NR1H3: variants seen among roughly 807,000 people sequenced by gnomAD.
NR1H3 encodes nuclear receptor subfamily 1 group H member 3, also known as oxysterols receptor LXR-alpha.
In NR1H3, 19 loss-of-function variants were observed where a neutral mutation model predicts 48.1. That is an observed-to-expected ratio of 0.40 (90% CI 0.28 to 0.58). The LOEUF (loss-of-function observed/expected upper bound fraction) is 0.58. Ranked by LOEUF, NR1H3 falls within the 20% of genes least tolerant of loss-of-function variation. NR1H3 has a pLI of 0.50. For missense variants in NR1H3, 486 were observed against 595.9 expected, an observed-to-expected ratio of 0.82 and a Z score of 1.92; for synonymous variants, 232 against 227.3, an observed-to-expected ratio of 1.02 and a Z score of -0.19.
upstream of NR1H3, among the ~76,000 whole-genome samples, chr11:47,255,518 A>G (rs956983858): frequency 2.6e-5 from 4 of 151,138 alleles, no homozygotes; most frequent in Non-Finnish European, 4.4e-5. Flanking sequence ...ACACGTTGTG[A>G]TAGACTCTCT....
intron 1 of NR1H3, among the ~76,000 whole-genome samples, chr11:47,250,025 G>A (rs557635068): frequency 1.4e-4 from 22 of 152,168 alleles, no homozygotes; most frequent in South Asian, 6.2e-4. Context: ...GCTTGAACTC[G>A]GAAAGCGGAG....
At chr11:47,266,751 C>T (rs143463269) in intron 7 of NR1H3, among the ~76,000 whole-genome samples, 1 of 151,714 alleles carries the variant, frequency 6.6e-6, no homozygotes, top group East Asian at 1.9e-4. Flanking sequence ...AAGCAATTCT[C>T]CTGCCTCAGC....
At chr11:47,257,471 G>A (rs925881513), upstream of NR1H3, 1 of 176,760 alleles carries the variant, frequency 5.7e-6, no homozygotes, top group Non-Finnish European at 1.1e-5. Context: ...CCCAGCACCT[G>A]CCTCTCTCCA....
upstream of NR1H3, among the ~76,000 whole-genome samples, chr11:47,253,699 T>C (rs891097529): frequency 6.6e-6 from 1 of 152,198 alleles, no homozygotes; most frequent in Non-Finnish European, 1.5e-5. Context: ...TGTTTCTGCT[T>C]CAAGTTTCTC....
intron 7 of NR1H3, among the ~76,000 whole-genome samples, chr11:47,265,581 T>C (rs1285196914): frequency 2.6e-5 from 4 of 152,082 alleles, no homozygotes; most frequent in Non-Finnish European, 5.9e-5. Context: ...AAGAAAAATG[T>C]ATTATTTATT....
chr11:47,259,054 A>T, intron 1 of NR1H3, 126 bp from the exon 2 acceptor site: 1 of 1,517,184 alleles, frequency 6.6e-7, no homozygotes, highest in Non-Finnish European at 8.9e-7. Flanking sequence ...GTACAGGCTA[A>T]TATATGGCAA....
intron 2 of NR1H3, 69 bp downstream of exon 2, chr11:47,259,328 C>G: frequency 2.5e-6 from 4 of 1,608,846 alleles, no homozygotes; most frequent in Non-Finnish European, 1.7e-6. Flanking sequence ...AGGAATCAGC[C>G]TCCTTCATTA....
chr11:47,248,770 C>G (rs753306589), upstream of NR1H3: 13 of 1,599,212 alleles, frequency 8.1e-6, no homozygotes, highest in Non-Finnish European at 1.1e-5. Flanking sequence ...CCGGCTCCAG[C>G]CGGACCGCTT....
upstream of NR1H3, among the ~76,000 whole-genome samples, chr11:47,254,790 C>T (rs900452263): frequency 6.6e-6 from 1 of 152,172 alleles, no homozygotes; most frequent in African/African-American, 2.4e-5. Context: ...TCTCATCTTT[C>T]ACCAGGCTGC....
chr11:47,257,019 C>T (rs1310717160), upstream of NR1H3, among the ~76,000 whole-genome samples: 2 of 152,204 alleles, frequency 1.3e-5, no homozygotes, highest in African/African-American at 2.4e-5. Context: ...CGTGAGCCAC[C>T]GCGCCCGGCC....
rs541694431 is a variant in NR1H3 at position 47,268,874 on chromosome 11, A to C, written c.*178A>C. 26 of 705,882 alleles carry C rather than the reference A, an allele frequency of 3.7e-5. No homozygotes were observed. In the African/African-American group the frequency reaches 4.7e-4, roughly 13 times the overall value. The allele number at this position is 705,882 out of a possible 1,614,324, so 43.7% of individuals were successfully genotyped here. On this transcript the variant is annotated 3_prime_UTR_variant, in exon 10 of 10. Coordinates refer to ENST00000441012, the MANE Select transcript of NR1H3 (RefSeq NM_005693.4). ...GAGTTTTGTGGCTACTGAGCAGTGG[A>C]GCCCTCGCTAACACTGTGCTGTGTC... is the stretch of plus-strand genomic sequence containing the variant.
At chr11:47,248,706 G>A, upstream of NR1H3, 1 of 1,612,110 alleles carries the variant, frequency 6.2e-7, no homozygotes. Context: ...TCCGGGCCCG[G>A]GTGGGCGGCA....
upstream of NR1H3, among the ~76,000 whole-genome samples, chr11:47,255,527 CTTTCTTTCTTTCTT>C (rs1275252225): frequency 6.5e-5 from 7 of 107,488 alleles, no homozygotes; most frequent in African/African-American, 1.3e-4. Context: ...GATAGACTCT[CTTTCTTTCTTTCTT>C]TTTCTTTCTT....
chr11:47,251,545 G>A (rs1040596878), intron 1 of NR1H3, among the ~76,000 whole-genome samples: 2 of 152,068 alleles, frequency 1.3e-5, no homozygotes, highest in Admixed American at 1.3e-4. Context: ...CCAGGATACA[G>A]AGGCTGCCGT....
At chr11:47,249,092 C>T (rs1310409967) in intron 1 of NR1H3, 1 of 1,264,130 alleles carries the variant, frequency 7.9e-7, no homozygotes, top group Non-Finnish European at 1.1e-6. Context: ...GGAGAAATCC[C>T]TTACCAAGGT....
intron 7 of NR1H3, among the ~76,000 whole-genome samples, chr11:47,265,215 A>AC (rs11372504): frequency 0.38 from 57,414 of 151,920 alleles, 11,788 homozygotes; most frequent in East Asian, 0.75. Flanking sequence ...AATTGCTTGA[A>AC]CCAGAAGGCT....
chr11:47,268,579 G>T lies in NR1H3; in HGVS notation c.1227G>T (p.Met409Ile), dbSNP rs745963714. 1 of 1,614,218 alleles carries T rather than the reference G, an allele frequency of 6.2e-7. No homozygotes were observed. Among genetic ancestry groups the T allele is most frequent in the Admixed American group, 1.7e-5 (1 of 60,024 alleles). The stretch of plus-strand genomic sequence containing the variant: ...GACTGATGTTCCCACGGATGCTAAT[G>T]AAACTGGTGAGCCTCCGGACCCTGA... ...HDRLMFPRML[M>I]KLVSLRTLSS... The change falls in exon 10 of 10, where the codon ATG becomes ATT. Residue 409 changes from methionine to isoleucine, a missense_variant. Met to Ile is a conservative substitution (Grantham distance 10, BLOSUM62 1). Coordinates refer to ENST00000441012, the MANE Select transcript of NR1H3 (RefSeq NM_005693.4).
chr11:47,261,125 T>C (rs1591122255), intron 4 of NR1H3, 116 bp from the exon 5 acceptor site: 2 of 760,018 alleles, frequency 2.6e-6, no homozygotes. Context: ...GCTGTCTGCT[T>C]TTCTGGAGCC....
Position 47,261,597 on chromosome 11 carries a change from C to G in NR1H3, c.759C>G (p.Arg253=). 1 of 1,614,258 alleles carries G rather than the reference C, an allele frequency of 6.2e-7. No homozygotes were observed. Among genetic ancestry groups the G allele is most frequent in the Non-Finnish European group, 8.5e-7 (1 of 1,180,048 alleles). The change falls in exon 6 of 10, where the codon CGC becomes CGG. Residue 253 remains arginine, a synonymous_variant. Transcript: ENST00000441012. ...ATAGCCGGGAGGCCCGTCAGCAGCG[C>G]TTTGCCCACTTCACTGAGCTGGCCA... ...DPHSREARQQ[R]FAHFTELAIV...
Sources: gnomAD v4.1 joint callset for allele counts (sites outside exome capture counted in the v4.1 genomes callset) on GRCh38, gnomAD v4.1.1 for gene constraint, MANE v1.5 for transcripts, NCBI Gene and HGNC (gene_info 2026-07-23, HGNC 2026-07-21) for gene names.